The following STK32B variants were observed in gnomAD, a reference collection of about 807,000 sequenced individuals.
STK32B encodes serine/threonine-protein kinase 32B.
A neutral mutation model predicts 52.6 loss-of-function variants in STK32B; 43 were observed. The ratio of observed to expected loss-of-function variants is 0.82; its 90% confidence interval spans 0.64 to 1.05. The LOEUF (loss-of-function observed/expected upper bound fraction) is 1.05. Ranked by LOEUF, STK32B falls within the 50% of genes least tolerant of loss-of-function variation. STK32B has a pLI of 0.00. For missense variants in STK32B, 621 were observed against 534.6 expected, an observed-to-expected ratio of 1.16 and a Z score of -1.59; for synonymous variants, 238 against 204.3, an observed-to-expected ratio of 1.17 and a Z score of -1.41.
chr4:5,137,842 A>C (rs1298474709), intron 1 of STK32B, among the ~76,000 whole-genome samples: 1 of 152,208 alleles, frequency 6.6e-6, no homozygotes, highest in Non-Finnish European at 1.5e-5. Context: ...AAGGCCAATG[A>C]AAAGTTTTTC....
At chr4:5,342,642 A>T (rs1396889383) in intron 4 of STK32B, among the ~76,000 whole-genome samples, 1 of 152,088 alleles carries the variant, frequency 6.6e-6, no homozygotes, top group African/African-American at 2.4e-5. Context: ...AGCAGGCCCC[A>T]CCTCCAACAC....
intron 3 of STK32B, among the ~76,000 whole-genome samples, chr4:5,245,976 C>A (rs1160270143): frequency 6.6e-6 from 1 of 152,152 alleles, no homozygotes; most frequent in Admixed American, 6.6e-5. Context: ...TTGTGGGTAA[C>A]CCGACCTTTC....
rs1243564051 is a variant in STK32B, at chr4:5,493,904, A to G, written c.1107-5041A>G. Among the ~76,000 whole-genome samples the G allele has an allele frequency of 2.0e-5, 3 of 152,384 alleles. No homozygotes were observed. The East Asian group carries it at 5.8e-4, about 29-fold the overall frequency. ...TTGAGTGGTTTTGCGTTAGTTTCTT[A>G]ATCCTGAGTTCTAGTTTGATAGCAC... On this transcript the variant is annotated intron_variant, in intron 11 of 11. Transcript: ENST00000282908.
chr4:5,366,888 T>A (rs1320754972), intron 4 of STK32B, among the ~76,000 whole-genome samples: 1 of 152,134 alleles, frequency 6.6e-6, no homozygotes, highest in East Asian at 1.9e-4. Context: ...CCTTCTCATA[T>A]AGTCCCCACC....
At chr4:5,321,928 G>C (rs1731519395) in intron 3 of STK32B, among the ~76,000 whole-genome samples, 1 of 150,572 alleles carries the variant, frequency 6.6e-6, no homozygotes, top group Non-Finnish European at 1.5e-5. Context: ...AAGGAGATAG[G>C]AGAATCAGTC....
chr4:5,227,689 T>G (rs1404249180), intron 3 of STK32B, among the ~76,000 whole-genome samples: 1 of 152,214 alleles, frequency 6.6e-6, no homozygotes, highest in Non-Finnish European at 1.5e-5. Context: ...TACAACTCAA[T>G]TGCAAAAGTG....
At chr4:5,228,173 T>C (rs1031904981) in intron 3 of STK32B, among the ~76,000 whole-genome samples, 1 of 152,334 alleles carries the variant, frequency 6.6e-6, no homozygotes, top group Non-Finnish European at 1.5e-5. Flanking sequence ...TAAAAGGTCA[T>C]TGGCGATTAG....
At chr4:5,314,384 A>C (rs1356964885) in intron 3 of STK32B, among the ~76,000 whole-genome samples, 1 of 152,068 alleles carries the variant, frequency 6.6e-6, no homozygotes. Context: ...TTTTTAAAAA[A>C]CTCAGCTGGG....
intron 2 of STK32B, among the ~76,000 whole-genome samples, chr4:5,142,060 C>T (rs913590586): frequency 3.9e-5 from 6 of 152,142 alleles, no homozygotes; most frequent in South Asian, 2.1e-4. Flanking sequence ...AGCTGGGAGA[C>T]GAGCTCTTCC....
At chr4:5,341,572 C>T (rs1189892932) in intron 4 of STK32B, among the ~76,000 whole-genome samples, 1 of 152,216 alleles carries the variant, frequency 6.6e-6, no homozygotes, top group East Asian at 1.9e-4. Context: ...TAACTTACTT[C>T]TAGGCAACCA....
intron 11 of STK32B, among the ~76,000 whole-genome samples, chr4:5,489,628 A>ATTTTTTTTTTTTTTTTTTTTTTTTTTTT (rs1201368525): frequency 6.6e-6 from 1 of 151,772 alleles, no homozygotes; most frequent in East Asian, 2.0e-4. Context: ...TTTATTTTTT[A>ATTTTTTTTTTTTTTTTTTTTTTTTTTTT]TTATTTTTTT....
chr4:5,463,736 C>T (rs928866925), intron 9 of STK32B, among the ~76,000 whole-genome samples: 81 of 152,160 alleles, frequency 5.3e-4, no homozygotes, highest in African/African-American at 1.8e-3. Context: ...GTAGCCTCCC[C>T]TCTGGCTGTG....
At chr4:5,253,221 A>G (rs1214548792) in intron 3 of STK32B, among the ~76,000 whole-genome samples, 1 of 152,068 alleles carries the variant, frequency 6.6e-6, no homozygotes, top group Non-Finnish European at 1.5e-5. Flanking sequence ...GTCTAGAGGG[A>G]GTTCCCTTCA....
At chr4:5,491,617 C>T (rs1719740680) in intron 11 of STK32B, among the ~76,000 whole-genome samples, 1 of 151,954 alleles carries the variant, frequency 6.6e-6, no homozygotes, top group Non-Finnish European at 1.5e-5. Flanking sequence ...CTTTTGTTGC[C>T]ATTGCTTTTG....
chr4:5,026,187 G>C, the STK32B span, among the ~76,000 whole-genome samples: 3 of 152,182 alleles, frequency 2.0e-5, no homozygotes, highest in Non-Finnish European at 4.4e-5. Flanking sequence ...CATTTCAGGA[G>C]AAAGAGCATT....
At chr4:5,177,192 T>C (rs143462993) in intron 3 of STK32B, among the ~76,000 whole-genome samples, 28,484 of 152,126 alleles carry the variant, frequency 0.19, 3,341 homozygotes, top group East Asian at 0.31. Flanking sequence ...CAGTTCTGCG[T>C]GGCTGGGGAG....
chr4:5,086,749 C>T (rs963682150), intron 1 of STK32B, among the ~76,000 whole-genome samples: 13 of 152,068 alleles, frequency 8.5e-5, no homozygotes, highest in Non-Finnish European at 1.8e-4. Flanking sequence ...CAGCTGATTT[C>T]CCATCAAACT....
At chr4:5,065,044 C>T (rs564070388) in intron 1 of STK32B, among the ~76,000 whole-genome samples, 521 of 151,836 alleles carry the variant, frequency 3.4e-3, no homozygotes, top group Admixed American at 7.8e-3. Flanking sequence ...TCACTTGCAA[C>T]GAAGCCTGGA....
In STK32B at chr4:5,390,002, A is replaced by G. The variant is rs571038241; in HGVS notation, c.435-8205A>G. On this transcript the variant is annotated intron_variant, in intron 4 of 11. Transcript: ENST00000282908. ...GGAACCTGGGCAGCCTCCAGAACCT[A>G]CAAAGGCAAAGAACAGAGCTCCTCT... 3.9e-5 allele frequency among the ~76,000 whole-genome samples: 6 copies of G among 152,326 alleles called. 2 individuals are homozygous for G. The South Asian group carries it at 1.2e-3, about 32-fold the overall frequency.
Sources: allele counts gnomAD v4.1 joint callset (sites outside exome capture counted in the v4.1 genomes callset), GRCh38; gene constraint gnomAD v4.1.1; transcripts MANE v1.5; gene names NCBI Gene and HGNC (gene_info 2026-07-23, HGNC 2026-07-21).